TRIM23: variants seen among roughly 807,000 people sequenced by gnomAD.
TRIM23 encodes the protein tripartite motif containing 23, also known as E3 ubiquitin-protein ligase TRIM23.
TRIM23 carries 27 observed loss-of-function variants against 71.0 expected under a neutral mutation model. The ratio of observed to expected loss-of-function variants is 0.38; its 90% CI spans 0.28 to 0.52. The LOEUF (loss-of-function observed/expected upper bound fraction) is 0.52, where lower values mean the gene tolerates loss of function less well. Ranked by LOEUF, TRIM23 falls within the 20% of genes least tolerant of loss-of-function variation. The pLI is 0.84. For synonymous variants in TRIM23, 234 were observed against 238.0 expected (o/e 0.98, Z 0.16); for missense variants, 482 against 692.3 (o/e 0.70, Z 3.41).
At chr5:65,621,798 G>GGTT (rs1554126439) in intron 1 of TRIM23, among the ~76,000 whole-genome samples, 1 of 150,870 alleles carries the variant, frequency 6.6e-6, no homozygotes, top group Non-Finnish European at 1.5e-5. Context: ...TAATCAATCA[G>GGTT]ATATTTTATT....
At chr5:65,611,481 C>T (rs923547536) in intron 4 of TRIM23, 122 bp downstream of exon 4, 14 of 1,046,460 alleles carry the variant, frequency 1.3e-5, no homozygotes, top group Non-Finnish European at 1.9e-5. Context: ...CAAACCCAAT[C>T]ACTCATCACT....
In TRIM23 at chr5:65,594,607, T is replaced by G; in HGVS notation, c.1459A>C (p.Ile487Leu). 6.2e-7 allele frequency: 1 copy of G among 1,611,996 alleles called. No individual in the cohort carries two copies. The highest frequency in any genetic ancestry group is 1.1e-5 in the South Asian group (1 of 90,584). Residue 487 changes from isoleucine (I) to leucine (L), a missense_variant, in exon 10 of 11, where the codon ATT becomes CTT. This residue lies in a region of TRIM23 where 307 missense variants were observed against 495.8 expected (regional missense o/e 0.62). Transcript: ENST00000231524. ...GCAAGTTCGCTGTGTGCTTCACTAATTCTGTCTCTATGACTGCTATCTACA... is the reference window on the plus strand; with the variant it reads ...GCAAGTTCGCTGTGTGCTTCACTAAGTCTGTCTCTATGACTGCTATCTACA... The part of the protein sequence containing the change: ...FVVDSSHRDR[I>L]SEAHSELAKL...
At chr5:65,605,121 C>A in intron 6 of TRIM23, 76 bp from the exon 7 acceptor site, 2 of 1,352,488 alleles carry the variant, frequency 1.5e-6, no homozygotes, top group Non-Finnish European at 2.0e-6. Flanking sequence ...TACCAACTCA[C>A]AATAAAAGCA....
At chr5:65,619,880 G>A (rs941793963) in intron 1 of TRIM23, among the ~76,000 whole-genome samples, 6 of 152,090 alleles carry the variant, frequency 3.9e-5, no homozygotes, top group South Asian at 2.1e-4. Flanking sequence ...TCAGGAGTTC[G>A]AGACCAGCCT....
chr5:65,615,707 A>G lies in TRIM23; in HGVS notation c.245-1488T>C, dbSNP rs140012724. Among the ~76,000 whole-genome samples, 7 of 152,366 alleles carry G rather than the reference A, an allele frequency of 4.6e-5. No individual in the cohort carries two copies. In the East Asian group the frequency reaches 1.3e-3, roughly 29 times the overall value. On this transcript the variant is annotated intron_variant, in intron 2 of 10. Transcript: ENST00000231524. ...GTACACTAAGTGATCATTTAAAAAT[A>G]TAGTCTTGACAATTTTCTAAATATC...
rs552747730 is a variant in TRIM23, at chr5:65,591,415, C to T, written c.*354G>A. On this transcript the variant is annotated 3_prime_UTR_variant, in exon 11 of 11. Transcript: ENST00000231524. ...CTCATTAGGCACTCAATTGGCTATT[C>T]TTTTTTCACTGAAAGAATAAACCTT... The T allele has an allele frequency of 1.3e-6, 2 of 1,582,950 alleles. No homozygotes were observed. Among genetic ancestry groups the T allele is most frequent in the East Asian group, 2.3e-5 (1 of 42,614 alleles).
intron 1 of TRIM23, among the ~76,000 whole-genome samples, chr5:65,623,602 C>T (rs1332750298): frequency 6.6e-6 from 1 of 152,198 alleles, no homozygotes; most frequent in Non-Finnish European, 1.5e-5. Context: ...TATGACGATG[C>T]TGCAGACTTG....
intron 4 of TRIM23, 35 bp from the exon 5 acceptor site, chr5:65,611,078 A>T: frequency 6.5e-7 from 1 of 1,547,112 alleles, no homozygotes; most frequent in Non-Finnish European, 8.7e-7. Flanking sequence ...AAAAGAACTC[A>T]TAGTATTGAC....
rs1441282144 is a variant in TRIM23, at chr5:65,619,295, G to GTAC, written c.82-1043_82-1041dup. Among the ~76,000 whole-genome samples, 21 of 152,262 alleles carry GTAC rather than the reference G, an allele frequency of 1.4e-4. No homozygotes were observed. The East Asian group carries it at 4.1e-3, about 29-fold the overall frequency. ...CTATACTTGTCCTTTGGGCCCCGAT[G>GTAC]TACTCTGTATAAGCGTCTACCGTAA... On this transcript the variant is annotated intron_variant, in intron 1 of 10. Coordinates refer to ENST00000231524, the MANE Select transcript of TRIM23 (RefSeq NM_001656.4).
At chr5:65,596,316 C>G in intron 9 of TRIM23, 105 bp downstream of exon 9, 1 of 762,826 alleles carries the variant, frequency 1.3e-6, no homozygotes, top group South Asian at 1.6e-5. Context: ...CTTAAGTATA[C>G]AGTCAACGAC....
At chr5:65,606,525 A>G (rs1051482724) in intron 6 of TRIM23, among the ~76,000 whole-genome samples, 2 of 151,322 alleles carry the variant, frequency 1.3e-5, no homozygotes, top group African/African-American at 4.9e-5. Flanking sequence ...CCTTCCTTAC[A>G]TATAATTCTC....
chr5:65,600,108 A>C (rs1323209757), intron 7 of TRIM23, among the ~76,000 whole-genome samples: 1 of 152,164 alleles, frequency 6.6e-6, no homozygotes, highest in African/African-American at 2.4e-5. Context: ...ACCAGATCTC[A>C]TGAGAACTCA....
chr5:65,618,682 T>G (rs1311502514), intron 1 of TRIM23, among the ~76,000 whole-genome samples: 1 of 152,190 alleles, frequency 6.6e-6, no homozygotes, highest in African/African-American at 2.4e-5. Context: ...ATCTAAAATA[T>G]GTACTGAGAT....
intron 3 of TRIM23, 191 bp downstream of exon 3, chr5:65,613,907 T>C (rs574955100): frequency 1.3e-5 from 19 of 1,491,180 alleles, no homozygotes; most frequent in Non-Finnish European, 1.5e-5. Flanking sequence ...AGTTTAGGCA[T>C]AGGATTTTCA....
intron 7 of TRIM23, among the ~76,000 whole-genome samples, chr5:65,597,712 T>C (rs748657632): frequency 1.3e-5 from 2 of 152,202 alleles, no homozygotes; most frequent in Non-Finnish European, 2.9e-5. Context: ...GACCAACCTT[T>C]TTCTTTTAAT....
chr5:65,605,120 A>C, intron 6 of TRIM23, 75 bp from the exon 7 acceptor site: 17 of 1,373,128 alleles, frequency 1.2e-5, no homozygotes, highest in African/African-American at 2.9e-5. Flanking sequence ...TTACCAACTC[A>C]CAATAAAAGC....
At chr5:65,597,295 G>GT in intron 7 of TRIM23, 115 bp from the exon 8 acceptor site, 1 of 1,101,736 alleles carries the variant, frequency 9.1e-7, no homozygotes, top group Non-Finnish European at 1.3e-6. Flanking sequence ...AATCTGAATT[G>GT]TATTCCTCAA....
rs1285445622 is a variant in TRIM23 at position 65,597,178 on chromosome 5, A to G, written c.1182T>C (p.Asp394=). The G allele has an allele frequency of 6.2e-7, 1 of 1,613,714 alleles. No homozygotes were observed. The highest frequency in any genetic ancestry group is 1.3e-5 in the African/African-American group (1 of 74,916). Residue 394 remains aspartate (D), a splice_region_variant and synonymous_variant, in exon 8 of 11, where the codon GAT becomes GAC. Coordinates refer to ENST00000231524, the MANE Select transcript of TRIM23 (RefSeq NM_001656.4). ...DASIPVTFTK[D]NRVHIGPKME... ...TTTTTGGTCCAATGTGAACTCGATT[A>G]TCCTACAATTTAAATATTTTTAAAT... is the stretch of plus-strand genomic sequence containing the variant.
intron 3 of TRIM23, 82 bp downstream of exon 3, chr5:65,614,016 A>G: frequency 1.9e-6 from 3 of 1,569,706 alleles, no homozygotes; most frequent in Admixed American, 1.9e-5. Context: ...GAAATAAATG[A>G]AGTAATATTG....
Sources: allele counts gnomAD v4.1 joint callset (sites outside exome capture counted in the v4.1 genomes callset), GRCh38; gene constraint gnomAD v4.1.1; regional missense constraint gnomAD v4.1.1; transcripts MANE v1.5; gene names NCBI Gene and HGNC (gene_info 2026-07-23, HGNC 2026-07-21).